The following TECPR1 variants were observed in gnomAD, a reference collection of about 807,000 sequenced individuals.
TECPR1 encodes tectonin beta-propeller repeat containing 1, also known as tectonin beta-propeller repeat-containing protein 1.
TECPR1 carries 122 observed loss-of-function variants against 162.4 expected under a neutral mutation model. The ratio of observed to expected loss-of-function variants is 0.75; its 90% CI spans 0.65 to 0.87. The LOEUF is 0.87. Ranked by LOEUF, TECPR1 falls within the 40% of genes least tolerant of loss-of-function variation. The probability of loss-of-function intolerance (pLI) is 0.00; values close to 1 mark genes in which losing one functional copy is unlikely to be tolerated. For synonymous variants in TECPR1, 642 were observed against 670.6 expected, an observed-to-expected ratio of 0.96 and a Z score of 0.66; for missense variants, 1,432 against 1,618.2, an observed-to-expected ratio of 0.88 and a Z score of 1.97.
intron 22 of TECPR1, 84 bp downstream of exon 22, chr7:98,222,302 A>T: frequency 6.7e-7 from 1 of 1,497,708 alleles, no homozygotes; most frequent in South Asian, 1.3e-5. Context: ...CTTCTGGGGG[A>T]CCCTGGCCCA....
At chr7:98,246,921 T>G (rs1798926812) in intron 2 of TECPR1, among the ~76,000 whole-genome samples, 1 of 151,726 alleles carries the variant, frequency 6.6e-6, no homozygotes, top group African/African-American at 2.4e-5. Flanking sequence ...ATAGATCACT[T>G]GAGGCCAGGA....
intron 2 of TECPR1, among the ~76,000 whole-genome samples, chr7:98,248,681 A>G (rs906328071): frequency 1.2e-4 from 12 of 99,536 alleles, no homozygotes; most frequent in Non-Finnish European, 1.7e-4. Context: ...ATCTTTACTG[A>G]AAAAAAAAGG....
intron 9 of TECPR1, among the ~76,000 whole-genome samples, chr7:98,237,379 C>T (rs141264981): frequency 1.2e-3 from 183 of 152,198 alleles, no homozygotes; most frequent in African/African-American, 4.2e-3. Context: ...CTGAAACCTC[C>T]GCCTCCAGGG....
chr7:98,250,176 A>G (rs965524016), intron 2 of TECPR1, among the ~76,000 whole-genome samples: 3 of 152,232 alleles, frequency 2.0e-5, no homozygotes, highest in Non-Finnish European at 2.9e-5. Context: ...GTAAAGTGTC[A>G]ATAGTAGAAT....
In TECPR1 at chr7:98,232,815, C is replaced by T. The variant is rs374050220; in HGVS notation, c.1818+12G>A. 45 of 1,564,142 alleles carry T rather than the reference C, an allele frequency of 2.9e-5. No individual in the cohort carries two copies. The highest frequency in any genetic ancestry group is 1.9e-4 in the African/African-American group (14 of 72,870). ...AAAAAAAAAATGCATGCGCAGCCACCGGGGCACCCACCTGCTCCACGGCCT... is the reference window on the plus strand; with the variant it reads ...AAAAAAAAAATGCATGCGCAGCCACTGGGGCACCCACCTGCTCCACGGCCT... On this transcript the variant is annotated intron_variant, in intron 12 of 25. Coordinates refer to ENST00000447648, the MANE Select transcript of TECPR1 (RefSeq NM_015395.3). The surrounding 1 kb of genome is among the most constrained non-coding windows in gnomAD (Gnocchi z 4.6).
At position 98,232,176 on chromosome 7, in the gene TECPR1, CCT is replaced by C. The variant is rs1370329503; in HGVS notation, c.1819-219_1819-218del. ...GAGCCAGGGCTGTTCCGTACAACCT[CCT>C]CTCTCTCAAACAGCCAGAGTGGGCA... On this transcript the variant is annotated intron_variant, in intron 12 of 25. Transcript: ENST00000447648. This position sits in a 1 kb window ranked among gnomAD's most constrained non-coding sequence, Gnocchi z 4.6. Among the ~76,000 whole-genome samples, 1 of 152,150 alleles carries C rather than the reference CCT, an allele frequency of 6.6e-6. No individual in the cohort carries two copies. Among genetic ancestry groups the C allele is most frequent in the African/African-American group, 2.4e-5 (1 of 41,434 alleles).
chr7:98,222,646 C>A, intron 21 of TECPR1, 125 bp from the exon 22 acceptor site: 1 of 1,154,770 alleles, frequency 8.7e-7, no homozygotes, highest in South Asian at 1.5e-5. Flanking sequence ...AGCCGGGAGT[C>A]ACACAGCCCC....
intron 8 of TECPR1, among the ~76,000 whole-genome samples, chr7:98,239,934 C>A (rs1329222693): frequency 6.6e-6 from 1 of 151,994 alleles, no homozygotes; most frequent in Non-Finnish European, 1.5e-5. Context: ...CTCGGTGATA[C>A]CCCATCTCTA....
At position 98,236,638 on chromosome 7, in the gene TECPR1, G is replaced by A. The variant is rs977353998; in HGVS notation, c.1181+138C>T. 4 of 1,173,202 alleles carry A rather than the reference G, an allele frequency of 3.4e-6. No homozygotes were observed. In the South Asian group the frequency reaches 5.8e-5, roughly 17 times the overall value. 72.7% of individuals were successfully genotyped at this position (1,173,202 alleles called of 1,614,324 possible). ...GCTTCGGCTCTTGTGGCTTTTGTGA[G>A]TGGAGACCCATTTTCTCCTGCCTGG... On this transcript the variant is annotated intron_variant, in intron 10 of 25. Transcript: ENST00000447648.
chr7:98,223,259 G>A (rs1798188058), intron 20 of TECPR1, 89 bp from the exon 21 acceptor site: 1 of 1,357,352 alleles, frequency 7.4e-7, no homozygotes, highest in East Asian at 2.5e-5. Context: ...GAGGAGGAAA[G>A]CAGCCAACCC....
In TECPR1 at chr7:98,217,767, G is replaced by A. The variant is rs1408698905; in HGVS notation, c.3309C>T (p.Ser1103=). Residue 1103 remains serine, a synonymous_variant, in exon 25 of 26, where the codon AGC becomes AGT. Transcript: ENST00000447648. The stretch of plus-strand genomic sequence containing the variant: ...CGGTGCGATGACACACTGTCCCCCG[G>A]CTCAGGCTGTGGCTGCCCTGCACTT... ...ANKVQGSHSL[S]RGTVCHRTGV... 3 of 1,550,904 alleles carry A rather than the reference G, an allele frequency of 1.9e-6. No individual in the cohort carries two copies. The East Asian group carries it at 7.3e-5, about 38-fold the overall frequency.
At position 98,236,816 on chromosome 7, in the gene TECPR1, A is replaced by G; in HGVS notation, c.1141T>C (p.Cys381Arg). The G allele has an allele frequency of 6.3e-7, 1 of 1,582,454 alleles. No individual in the cohort carries two copies. The highest frequency in any genetic ancestry group is 8.6e-7 in the Non-Finnish European group (1 of 1,169,376). The change falls in exon 10 of 26, where the codon TGT (cysteine) becomes CGT (arginine). Residue 381 changes from cysteine (C) to arginine (R), a missense_variant. Transcript: ENST00000447648. ...TWKAIIAARE[C>R]DRSHSGSSSS... ...GAGCTGCCAGAGTGTGACCGGTCACACTCTCGGGCCGCGATGATGGCTTTC... is the reference window on the plus strand; with the variant it reads ...GAGCTGCCAGAGTGTGACCGGTCACGCTCTCGGGCCGCGATGATGGCTTTC...
intron 15 of TECPR1, among the ~76,000 whole-genome samples, chr7:98,229,750 G>T (rs146599691): frequency 4.3e-4 from 66 of 152,258 alleles, no homozygotes; most frequent in Non-Finnish European, 6.6e-4. Context: ...ACCAGAGGCG[G>T]TCTGAATCCT....
In TECPR1 at chr7:98,244,665, G is replaced by A. The variant is rs1468046477; in HGVS notation, c.437C>T (p.Ala146Val). The A allele has an allele frequency of 3.1e-6, 5 of 1,612,440 alleles. No homozygotes were observed. In the South Asian group the frequency reaches 4.4e-5, roughly 14 times the overall value. ...GGWTYAIDFPATYTKDKKWNS... is the reference protein window; with the variant it reads ...GGWTYAIDFPVTYTKDKKWNS... ...CCACTTCTTGTCTTTCGTGTAGGTG[G>A]CGGGAAAGTCGATGGCGTACGTCCA... The change falls in exon 5 of 26, where the codon GCC (alanine) becomes GTC (valine). Residue 146 changes from alanine to valine, a missense_variant. Coordinates refer to ENST00000447648, the MANE Select transcript of TECPR1 (RefSeq NM_015395.3).
chr7:98,220,960 G>A (rs1037545631), intron 23 of TECPR1, among the ~76,000 whole-genome samples: 3 of 150,962 alleles, frequency 2.0e-5, no homozygotes, highest in Non-Finnish European at 4.4e-5. Flanking sequence ...CAAAGTGCTG[G>A]AATTATAGGC....
chr7:98,242,359 A>G (rs1016649818), intron 6 of TECPR1, among the ~76,000 whole-genome samples: 2 of 152,058 alleles, frequency 1.3e-5, no homozygotes, highest in African/African-American at 4.8e-5. Context: ...TTAGTTCACA[A>G]ACTCCTTGAG....
rs1798769395 is a variant in TECPR1 at position 98,242,232 on chromosome 7, T to C, written c.658-988A>G. On this transcript the variant is annotated intron_variant, in intron 6 of 25. Transcript: ENST00000447648. ...CTGGGGAGCTGTGGTCAATGCGTGGTGAGAGCGACTGAAGAATCCTGCTGT... is the reference window on the plus strand; with the variant it reads ...CTGGGGAGCTGTGGTCAATGCGTGGCGAGAGCGACTGAAGAATCCTGCTGT... 3.3e-5 allele frequency among the ~76,000 whole-genome samples: 5 copies of C among 152,310 alleles called. No homozygotes were observed. The South Asian group carries it at 1.0e-3, about 32-fold the overall frequency.
At chr7:98,229,012 T>C (rs1562936224) in intron 16 of TECPR1, 27 bp downstream of exon 16, 1 of 1,595,410 alleles carries the variant, frequency 6.3e-7, no homozygotes, top group Admixed American at 1.7e-5. Context: ...CCAGGAAGGC[T>C]CCGGGGGGGC....
chr7:98,239,307 T>C (rs951582901), intron 8 of TECPR1, among the ~76,000 whole-genome samples: 3 of 152,106 alleles, frequency 2.0e-5, no homozygotes, highest in African/African-American at 7.2e-5. Context: ...TCCCAACACT[T>C]TGGGAGGCTG....
Sources: gnomAD v4.1 joint callset for allele counts (sites outside exome capture counted in the v4.1 genomes callset) on GRCh38, gnomAD v4.1.1 for gene constraint, Gnocchi (gnomAD v3.1) non-coding constraint, MANE v1.5 for transcripts, NCBI Gene and HGNC (gene_info 2026-07-23, HGNC 2026-07-21) for gene names.